RGS22: variants seen among roughly 807,000 people sequenced by gnomAD.
RGS22 encodes regulator of G protein signaling 22.
RGS22 carries 148 observed loss-of-function variants against 172.9 expected under a neutral mutation model. The observed-to-expected ratio is 0.86, with a 90% CI of 0.75 to 0.98. The LOEUF (loss-of-function observed/expected upper bound fraction) is 0.98. Ranked by LOEUF, RGS22 falls within the 50% of genes least tolerant of loss-of-function variation. The pLI is 0.00. For missense variants in RGS22, 1,347 were observed against 1,440.8 expected (o/e 0.93, Z 1.05); for synonymous variants, 458 against 480.2 (o/e 0.95, Z 0.60).
chr8:100,005,642 T>C (rs1364456863), intron 16 of RGS22, among the ~76,000 whole-genome samples: 2 of 152,214 alleles, frequency 1.3e-5, no homozygotes, highest in African/African-American at 4.8e-5. Flanking sequence ...GTTTCTTTTC[T>C]GTTTAGAAAA....
chr8:100,106,047 C>T lies in RGS22; in HGVS notation c.-126G>A. The T allele has an allele frequency of 8.6e-7, 1 of 1,166,730 alleles. No individual in the cohort carries two copies. The allele number at this position is 1,166,730 out of a possible 1,614,324, so 72.3% of individuals were successfully genotyped here. A position where few individuals can be genotyped will look rare whatever the true frequency, so the allele number is the denominator to read the frequency against. On this transcript the variant is annotated 5_prime_UTR_variant, in exon 1 of 28. Transcript: ENST00000360863. ...CGGGCTCCGGAGCTACGCTGGCTAG[C>T]GTGGCCGGCGCCGCGCCGGGGTTGC...
chr8:100,062,314 G>GTAAA (rs1235122555), intron 9 of RGS22, among the ~76,000 whole-genome samples: 1 of 149,966 alleles, frequency 6.7e-6, no homozygotes, highest in Non-Finnish European at 1.5e-5. Context: ...GAAGTTAAAA[G>GTAAA]TAAATAAATA....
At chr8:99,976,007 T>C (rs1198796823) in intron 23 of RGS22, among the ~76,000 whole-genome samples, 1 of 152,098 alleles carries the variant, frequency 6.6e-6, no homozygotes, top group African/African-American at 2.4e-5. Context: ...ATGGCCAACA[T>C]GGTGAAACCC....
At chr8:100,017,149 T>C (rs1382716840) in intron 14 of RGS22, among the ~76,000 whole-genome samples, 3 of 151,896 alleles carry the variant, frequency 2.0e-5, no homozygotes, top group African/African-American at 7.3e-5. Context: ...TTTTAAAAAA[T>C]ATTTTGTAGA....
chr8:99,968,069 C>T (rs1427824092), intron 23 of RGS22, among the ~76,000 whole-genome samples: 3 of 152,178 alleles, frequency 2.0e-5, no homozygotes, highest in Non-Finnish European at 4.4e-5. Flanking sequence ...GCAGCCTCTG[C>T]CGGTGATAAC....
intron 13 of RGS22, among the ~76,000 whole-genome samples, chr8:100,039,560 G>C (rs1819886848): frequency 6.6e-6 from 1 of 151,638 alleles, no homozygotes; most frequent in African/African-American, 2.4e-5. Flanking sequence ...TATTTTAGTA[G>C]AGATGGGGTT....
chr8:100,071,334 A>G (rs950716646), intron 6 of RGS22, 35 bp downstream of exon 6: 2 of 1,514,870 alleles, frequency 1.3e-6, no homozygotes, highest in African/African-American at 2.8e-5. Flanking sequence ...GTGTTAGTGA[A>G]GCGCTAAGTC....
intron 2 of RGS22, among the ~76,000 whole-genome samples, chr8:100,095,430 C>T (rs1011316071): frequency 3.3e-5 from 5 of 152,114 alleles, no homozygotes; most frequent in Admixed American, 6.5e-5. Flanking sequence ...GTGATCTGCC[C>T]GCCTCGGCCT....
chr8:100,081,291 TAATTTAAA>T (rs1811734449), intron 3 of RGS22, among the ~76,000 whole-genome samples: 1 of 151,542 alleles, frequency 6.6e-6, no homozygotes, highest in Non-Finnish European at 1.5e-5. Flanking sequence ...ACTATAGTCA[TAATTTAAA>T]AAGTGGCAGA....
chr8:100,096,671 A>T (rs2446910), intron 2 of RGS22, among the ~76,000 whole-genome samples: 60,593 of 137,950 alleles, frequency 0.44, 13,357 homozygotes, highest in Admixed American at 0.54. Flanking sequence ...TTTAAAAAAA[A>T]TTTTTTTTTT....
At chr8:99,985,674 C>T (rs1588907006) in intron 21 of RGS22, among the ~76,000 whole-genome samples, 1 of 152,082 alleles carries the variant, frequency 6.6e-6, no homozygotes, top group African/African-American at 2.4e-5. Context: ...CTATAGCATG[C>T]TTTTTAATAG....
intron 14 of RGS22, among the ~76,000 whole-genome samples, chr8:100,013,527 A>G (rs981881108): frequency 3.3e-5 from 5 of 152,198 alleles, no homozygotes; most frequent in African/African-American, 9.7e-5. Flanking sequence ...CTATATCTAT[A>G]CTATGGTGGA....
At chr8:100,024,894 C>T (rs1427684090) in intron 14 of RGS22, among the ~76,000 whole-genome samples, 3 of 151,844 alleles carry the variant, frequency 2.0e-5, no homozygotes, top group Non-Finnish European at 4.4e-5. Flanking sequence ...AAGTTATTAC[C>T]ACAGAACCTA....
intron 24 of RGS22, 24 bp from the exon 25 acceptor site, chr8:99,963,002 T>C (rs1176828892): frequency 6.5e-7 from 1 of 1,533,900 alleles, no homozygotes; most frequent in Non-Finnish European, 8.7e-7. Context: ...TTTTCAAAGT[T>C]AATTCTGAAA....
At chr8:100,075,711 CAT>C (rs1270888920) in intron 4 of RGS22, among the ~76,000 whole-genome samples, 2 of 152,108 alleles carry the variant, frequency 1.3e-5, no homozygotes, top group African/African-American at 4.8e-5. Context: ...TTTGTGTGAA[CAT>C]ATGTTTTCAA....
intron 16 of RGS22, among the ~76,000 whole-genome samples, chr8:100,004,864 G>C (rs1431505227): frequency 6.6e-6 from 1 of 151,368 alleles, no homozygotes; most frequent in Non-Finnish European, 1.5e-5. Flanking sequence ...TAATTTTTAG[G>C]TAATTTTATG....
intron 14 of RGS22, among the ~76,000 whole-genome samples, chr8:100,018,214 A>G (rs1817217121): frequency 4.1e-5 from 1 of 24,622 alleles, no homozygotes; most frequent in Non-Finnish European, 7.3e-5. Flanking sequence ...ATCTGTATCA[A>G]AAAAAAAAAA....
intron 9 of RGS22, among the ~76,000 whole-genome samples, chr8:100,061,024 T>C (rs1376131488): frequency 6.6e-6 from 1 of 152,104 alleles, no homozygotes; most frequent in South Asian, 2.1e-4. Flanking sequence ...TACCTACAAC[T>C]ATCTGATCTT....
chr8:100,038,273 T>TC (rs1819711602), intron 14 of RGS22, among the ~76,000 whole-genome samples: 1 of 151,850 alleles, frequency 6.6e-6, no homozygotes, highest in South Asian at 2.1e-4. Context: ...CTTTTCTTCT[T>TC]CCCCACAAAA....
Sources: gnomAD v4.1 joint callset for allele counts (sites outside exome capture counted in the v4.1 genomes callset) on GRCh38, gnomAD v4.1.1 for gene constraint, MANE v1.5 for transcripts, NCBI Gene and HGNC (gene_info 2026-07-23, HGNC 2026-07-21) for gene names.